CDH13: variants seen among roughly 807,000 people sequenced by gnomAD.
CDH13 encodes the protein cadherin-13.
A neutral mutation model predicts 63.8 loss-of-function variants in CDH13; 24 were observed. That is an observed-to-expected ratio of 0.38 (90% confidence interval 0.27 to 0.53). The LOEUF (loss-of-function observed/expected upper bound fraction) is 0.53. Among genes scored for constraint, CDH13 ranks in the 20% least tolerant of loss-of-function variants. The pLI is 0.85. For synonymous variants in CDH13, 503 were observed against 355.3 expected (o/e 1.42, Z -4.67); for missense variants, 1,049 against 903.1 (o/e 1.16, Z -2.07).
At chr16:83,350,447 C>A (rs1597807655) in intron 6 of CDH13, among the ~76,000 whole-genome samples, 1 of 152,250 alleles carries the variant, frequency 6.6e-6, no homozygotes, top group African/African-American at 2.4e-5. Context: ...TCTGATCCTT[C>A]TTCTTGAGGC....
intron 5 of CDH13, among the ~76,000 whole-genome samples, chr16:83,276,606 C>T (rs1054920820): frequency 4.6e-5 from 7 of 152,178 alleles, no homozygotes; most frequent in East Asian, 1.9e-4. Context: ...CGTGGTGGCT[C>T]GCGCCTGTAA....
At chr16:83,722,372 A>T (rs1322607325) in intron 10 of CDH13, among the ~76,000 whole-genome samples, 1 of 152,238 alleles carries the variant, frequency 6.6e-6, no homozygotes, top group East Asian at 1.9e-4. Flanking sequence ...GAGATGGTGT[A>T]GCAGTGTTGC....
At chr16:83,478,825 T>A (rs1273589966) in intron 6 of CDH13, among the ~76,000 whole-genome samples, 5 of 146,424 alleles carry the variant, frequency 3.4e-5, no homozygotes, top group African/African-American at 1.3e-4. Flanking sequence ...AGTAGAGTCT[T>A]TTGAAGATGA....
chr16:83,417,542 C>G (rs2151465472), intron 6 of CDH13, among the ~76,000 whole-genome samples: 1 of 152,224 alleles, frequency 6.6e-6, no homozygotes, highest in Admixed American at 6.5e-5. Flanking sequence ...CCTCAGTTGC[C>G]ATTTGGAAAC....
intron 3 of CDH13, among the ~76,000 whole-genome samples, chr16:83,055,754 C>G (rs530822178): frequency 6.6e-6 from 1 of 151,954 alleles, no homozygotes; most frequent in African/African-American, 2.4e-5. Context: ...TTTCTGAAGG[C>G]CAACATAATC....
chr16:82,793,916 G>A (rs1567541773), intron 1 of CDH13, among the ~76,000 whole-genome samples: 1 of 152,132 alleles, frequency 6.6e-6, no homozygotes, highest in Non-Finnish European at 1.5e-5. Context: ...GTGGATTTAA[G>A]TAAGTGAGAC....
At chr16:83,364,013 T>C (rs1253534276) in intron 6 of CDH13, among the ~76,000 whole-genome samples, 1 of 152,118 alleles carries the variant, frequency 6.6e-6, no homozygotes, top group Non-Finnish European at 1.5e-5. Context: ...CCCTCCACAC[T>C]CACCCCTCCA....
intron 5 of CDH13, among the ~76,000 whole-genome samples, chr16:83,234,865 C>T (rs74034439): frequency 0.082 from 12,489 of 152,008 alleles, 1,457 homozygotes; most frequent in African/African-American, 0.26. Flanking sequence ...CCACGTCCTC[C>T]CCTCCAGAGC....
At chr16:83,489,919 A>G (rs1034546741) in intron 7 of CDH13, among the ~76,000 whole-genome samples, 2 of 151,980 alleles carry the variant, frequency 1.3e-5, no homozygotes, top group African/African-American at 4.8e-5. Flanking sequence ...TCCTGTCTTC[A>G]TTCGCAGTAT....
rs144428321 is a variant in CDH13 at position 83,426,485 on chromosome 16, T to C, written c.782-59992T>C. Among the ~76,000 whole-genome samples the C allele has an allele frequency of 3.4e-3, 515 of 149,942 alleles. 4 individuals carry two copies. The highest frequency in any genetic ancestry group is 0.012 in the African/African-American group (474 of 40,762). ...TTGTTTCTCCCAATTTTCTCTCTCA[T>C]GGAAACAACTCCCATGGAAACAATC... On this transcript the variant is annotated intron_variant, in intron 6 of 13. Coordinates refer to ENST00000567109, the MANE Select transcript of CDH13 (RefSeq NM_001257.5).
intron 6 of CDH13, among the ~76,000 whole-genome samples, chr16:83,481,744 A>G (rs1387501573): frequency 1.3e-5 from 2 of 152,142 alleles, no homozygotes; most frequent in East Asian, 3.8e-4. Context: ...CAGGGTGATT[A>G]TAATTTATTT....
intron 11 of CDH13, among the ~76,000 whole-genome samples, chr16:83,761,850 T>G (rs1913995598): frequency 6.6e-6 from 1 of 152,142 alleles, no homozygotes; most frequent in Non-Finnish European, 1.5e-5. Flanking sequence ...GTGGGTCACT[T>G]AAGGTCAGTA....
intron 8 of CDH13, among the ~76,000 whole-genome samples, chr16:83,603,313 G>A (rs1308129523): frequency 6.6e-6 from 1 of 152,212 alleles, no homozygotes; most frequent in Non-Finnish European, 1.5e-5. Flanking sequence ...TACTGACCAA[G>A]TGAAGAATAT....
At chr16:82,936,482 C>A (rs1402475004) in intron 2 of CDH13, among the ~76,000 whole-genome samples, 2 of 152,078 alleles carry the variant, frequency 1.3e-5, no homozygotes, top group Non-Finnish European at 2.9e-5. Flanking sequence ...CTTTCCCCAT[C>A]CCATGAAAAA....
chr16:83,149,163 A>G (rs1383272994), intron 4 of CDH13, among the ~76,000 whole-genome samples: 4 of 152,220 alleles, frequency 2.6e-5, no homozygotes, highest in Non-Finnish European at 5.9e-5. Context: ...TTTCCTCTCT[A>G]TATTGAAATA....
At chr16:83,115,564 T>A (rs531781861) in intron 3 of CDH13, among the ~76,000 whole-genome samples, 1 of 152,220 alleles carries the variant, frequency 6.6e-6, no homozygotes, top group Non-Finnish European at 1.5e-5. Flanking sequence ...AAAGGCTCGC[T>A]ATTGCCTTGG....
chr16:82,819,911 C>G (rs534664059), intron 1 of CDH13, among the ~76,000 whole-genome samples: 1 of 152,154 alleles, frequency 6.6e-6, no homozygotes, highest in African/African-American at 2.4e-5. Context: ...AAAGCAGAGC[C>G]GAATGAGGGC....
chr16:82,918,249 A>T (rs1273010025), intron 2 of CDH13, among the ~76,000 whole-genome samples: 1 of 152,204 alleles, frequency 6.6e-6, no homozygotes, highest in Admixed American at 6.5e-5. Flanking sequence ...TGAGAAGATT[A>T]TAAGTGTATC....
intron 2 of CDH13, among the ~76,000 whole-genome samples, chr16:82,893,296 A>G (rs984192350): frequency 1.3e-5 from 2 of 152,280 alleles, no homozygotes; most frequent in Non-Finnish European, 2.9e-5. Context: ...GGCTTAAAAT[A>G]GGAGAAATCC....
Sources: allele counts gnomAD v4.1 joint callset (sites outside exome capture counted in the v4.1 genomes callset), GRCh38; gene constraint gnomAD v4.1.1; transcripts MANE v1.5; gene names NCBI Gene and HGNC (gene_info 2026-07-23, HGNC 2026-07-21).